AP3S1: variants seen among roughly 807,000 people sequenced by gnomAD.
AP3S1 encodes AP-3 complex subunit sigma-1.
In AP3S1, 12 loss-of-function variants were observed where a neutral mutation model predicts 21.3. The observed-to-expected ratio is 0.56, with a 90% CI of 0.36 to 0.91. AP3S1 has a LOEUF of 0.91. AP3S1 is among the 40% of genes least tolerant of loss of function. The probability of loss-of-function intolerance (pLI) is 0.01; values close to 1 mark genes in which losing one functional copy is unlikely to be tolerated. For missense variants in AP3S1, 116 were observed against 225.0 expected (o/e 0.52, Z 3.10); for synonymous variants, 48 against 78.4 (o/e 0.61, Z 2.05).
chr5:115,913,126 T>A (rs1752232866), intron 5 of AP3S1, among the ~76,000 whole-genome samples: 1 of 152,148 alleles, frequency 6.6e-6, no homozygotes, highest in South Asian at 2.1e-4. Context: ...TAATTTGTAT[T>A]TAAATCTTTA....
intron 3 of AP3S1, among the ~76,000 whole-genome samples, chr5:115,874,038 G>A (rs1319407279): frequency 2.0e-5 from 3 of 151,944 alleles, no homozygotes; most frequent in Non-Finnish European, 2.9e-5. Context: ...CTGGGAGAAG[G>A]CATTATTAAT....
chr5:115,892,200 G>C (rs1165458720), intron 3 of AP3S1, among the ~76,000 whole-genome samples: 1 of 152,146 alleles, frequency 6.6e-6, no homozygotes, highest in East Asian at 1.9e-4. Context: ...GGGAACCCTT[G>C]TACACTTGGT....
At chr5:115,901,315 C>T (rs1328441699) in intron 4 of AP3S1, among the ~76,000 whole-genome samples, 4 of 150,924 alleles carry the variant, frequency 2.7e-5, no homozygotes, top group Middle Eastern at 3.2e-3. Flanking sequence ...GACCTAAAAA[C>T]GGATGCAGAG....
intron 1 of AP3S1, among the ~76,000 whole-genome samples, chr5:115,864,998 G>T (rs1428833146): frequency 1.3e-5 from 2 of 152,008 alleles, no homozygotes; most frequent in African/African-American, 4.8e-5. Flanking sequence ...GATTAGTACT[G>T]TATAGAAACA....
chr5:115,912,449 A>G (rs191720467), intron 5 of AP3S1, among the ~76,000 whole-genome samples: 1 of 152,022 alleles, frequency 6.6e-6, no homozygotes, highest in African/African-American at 2.4e-5. Context: ...AATGATATGT[A>G]TGCATTTTCT....
intron 3 of AP3S1, among the ~76,000 whole-genome samples, chr5:115,879,584 G>A (rs1005893314): frequency 6.6e-5 from 10 of 152,138 alleles, no homozygotes; most frequent in African/African-American, 2.4e-4. Flanking sequence ...TTGATGTGCT[G>A]CTAGATTCGG....
chr5:115,886,125 C>T (rs1035284864), intron 3 of AP3S1, among the ~76,000 whole-genome samples: 2 of 152,118 alleles, frequency 1.3e-5, no homozygotes, highest in African/African-American at 2.4e-5. Flanking sequence ...TTAGATTACT[C>T]TTCTGCAAAT....
intron 2 of AP3S1, among the ~76,000 whole-genome samples, chr5:115,869,512 G>T (rs1748031283): frequency 6.6e-6 from 1 of 151,974 alleles, no homozygotes; most frequent in Non-Finnish European, 1.5e-5. Flanking sequence ...TACATACTTT[G>T]TTCTTGATGA....
intron 1 of AP3S1, among the ~76,000 whole-genome samples, chr5:115,863,270 G>C (rs566012016): frequency 6.6e-6 from 1 of 151,938 alleles, no homozygotes; most frequent in South Asian, 2.1e-4. Flanking sequence ...GGTGGTGGGC[G>C]CCTGTAATCC....
intron 5 of AP3S1, among the ~76,000 whole-genome samples, chr5:115,908,556 A>G (rs1751845471): frequency 6.6e-6 from 1 of 152,144 alleles, no homozygotes; most frequent in Non-Finnish European, 1.5e-5. Flanking sequence ...TAAATCCATG[A>G]AAGTCATTAG....
At chr5:115,895,008 A>G (rs982607093) in intron 3 of AP3S1, 79 bp from the exon 4 acceptor site, 14 of 918,738 alleles carry the variant, frequency 1.5e-5, no homozygotes, top group Middle Eastern at 3.4e-4. Context: ...TTAGTTCATA[A>G]TTAAGAATTG....
chr5:115,885,156 T>C (rs929698741), intron 3 of AP3S1, among the ~76,000 whole-genome samples: 1 of 152,210 alleles, frequency 6.6e-6, no homozygotes, highest in Non-Finnish European at 1.5e-5. Context: ...TTAATGACTT[T>C]CCATTTGTAT....
intron 4 of AP3S1, among the ~76,000 whole-genome samples, chr5:115,900,568 T>C (rs946751454): frequency 1.3e-5 from 2 of 152,244 alleles, no homozygotes; most frequent in African/African-American, 4.8e-5. Flanking sequence ...ATATAGTAAC[T>C]ACAGTCTAGA....
intron 5 of AP3S1, among the ~76,000 whole-genome samples, chr5:115,908,621 T>A (rs1751851462): frequency 6.6e-6 from 1 of 152,132 alleles, no homozygotes. Context: ...AAAGCTATAA[T>A]TGAAGATAAT....
At chr5:115,871,820 C>CT (rs1418719806) in intron 3 of AP3S1, among the ~76,000 whole-genome samples, 2 of 152,184 alleles carry the variant, frequency 1.3e-5, no homozygotes, top group Non-Finnish European at 2.9e-5. Flanking sequence ...TAGATGACTA[C>CT]TCATACAGTC....
intron 1 of AP3S1, among the ~76,000 whole-genome samples, chr5:115,847,741 CTAACA>C (rs1197827970): frequency 1.3e-5 from 2 of 150,018 alleles, no homozygotes; most frequent in African/African-American, 2.4e-5. Context: ...ATCAAGCTAA[CTAACA>C]TGTCTATCAC....
chr5:115,865,339 A>AT (rs1363235969), intron 1 of AP3S1, among the ~76,000 whole-genome samples: 1 of 152,136 alleles, frequency 6.6e-6, no homozygotes, highest in Non-Finnish European at 1.5e-5. Context: ...TGGAGTTAAC[A>AT]TTTTTGGGGA....
intron 1 of AP3S1, among the ~76,000 whole-genome samples, chr5:115,862,411 A>G (rs548239031): frequency 1.8e-4 from 28 of 152,376 alleles, no homozygotes; most frequent in African/African-American, 6.5e-4. Context: ...ACCATAAAAT[A>G]TATACAAATC....
intron 1 of AP3S1, 142 bp downstream of exon 1, chr5:115,842,248 A>G (rs1761640226): frequency 2.3e-6 from 3 of 1,308,770 alleles, no homozygotes; most frequent in Non-Finnish European, 3.0e-6. Flanking sequence ...GCCAGCTGTC[A>G]GCCTCCTGGT....
Sources: allele counts gnomAD v4.1 joint callset (sites outside exome capture counted in the v4.1 genomes callset), GRCh38; gene constraint gnomAD v4.1.1; transcripts MANE v1.5; gene names NCBI Gene and HGNC (gene_info 2026-07-23, HGNC 2026-07-21).